The following CHRM3 variants were observed in gnomAD, a reference collection of about 807,000 sequenced individuals.
CHRM3 encodes the protein muscarinic acetylcholine receptor M3.
A neutral mutation model predicts 41.8 loss-of-function variants in CHRM3; 11 were observed. The observed-to-expected ratio is 0.26, with a 90% CI of 0.17 to 0.44. The LOEUF (loss-of-function observed/expected upper bound fraction) is 0.44. Among genes scored for constraint, CHRM3 ranks in the 20% least tolerant of loss-of-function variants. The probability of loss-of-function intolerance (pLI) is 1.00; values close to 1 mark genes in which losing one functional copy is unlikely to be tolerated. For missense variants in CHRM3, 571 were observed against 745.4 expected (o/e 0.77, Z 2.72); for synonymous variants, 297 against 301.4 (o/e 0.99, Z 0.15).
intron 5 of CHRM3, among the ~76,000 whole-genome samples, chr1:239,684,754 GAAAGAAAGAAAGAA>G (rs1457068660): frequency 1.5e-4 from 18 of 123,022 alleles, no homozygotes; most frequent in Admixed American, 6.9e-4. Context: ...GAAAGAGAAA[GAAAGAAAGAAAGAA>G]AGAGAAAGAG....
chr1:239,433,775 C>T (rs1207256439), intron 1 of CHRM3, among the ~76,000 whole-genome samples: 5 of 152,274 alleles, frequency 3.3e-5, no homozygotes, highest in African/African-American at 9.6e-5. Context: ...CAGGTTGCTG[C>T]GAATGCCGTT....
intron 6 of CHRM3, among the ~76,000 whole-genome samples, chr1:239,874,100 A>G (rs1676824824): frequency 1.3e-5 from 2 of 151,886 alleles, no homozygotes; most frequent in Admixed American, 1.3e-4. Flanking sequence ...CAGGAGGACA[A>G]GTGGCCTGCC....
At chr1:239,589,638 CTATATATATA>C (rs10592228) in intron 3 of CHRM3, among the ~76,000 whole-genome samples, 14,642 of 124,868 alleles carry the variant, frequency 0.12, 813 homozygotes, top group Admixed American at 0.16. Flanking sequence ...ATATAAAAAA[CTATATATATA>C]TATATATATA....
chr1:239,833,477 T>C (rs1046937255), intron 6 of CHRM3, among the ~76,000 whole-genome samples: 5 of 152,114 alleles, frequency 3.3e-5, no homozygotes, highest in African/African-American at 1.2e-4. Context: ...TCACATCTTA[T>C]CCTTTGGCCT....
chr1:239,410,691 C>A (rs1045000882), intron 1 of CHRM3, among the ~76,000 whole-genome samples: 2 of 152,170 alleles, frequency 1.3e-5, no homozygotes, highest in African/African-American at 4.8e-5. Flanking sequence ...TTCTACACCC[C>A]CTTCCTCCAG....
chr1:239,864,966 A>T (rs1403241126), intron 6 of CHRM3, among the ~76,000 whole-genome samples: 1 of 152,174 alleles, frequency 6.6e-6, no homozygotes, highest in African/African-American at 2.4e-5. Flanking sequence ...AACATCTATC[A>T]CACTTATAAA....
At chr1:239,759,535 C>T (rs576429873) in intron 5 of CHRM3, among the ~76,000 whole-genome samples, 59 of 152,242 alleles carry the variant, frequency 3.9e-4, no homozygotes, top group African/African-American at 1.3e-3. Flanking sequence ...AGCCTTATCA[C>T]TCCAATAAAA....
chr1:239,566,807 G>A (rs1661403138), intron 3 of CHRM3, among the ~76,000 whole-genome samples: 1 of 152,164 alleles, frequency 6.6e-6, no homozygotes, highest in African/African-American at 2.4e-5. Flanking sequence ...GACAAAGTTG[G>A]CTTTCTCCTG....
intron 1 of CHRM3, among the ~76,000 whole-genome samples, chr1:239,474,835 A>G (rs1572423490): frequency 6.6e-6 from 1 of 152,138 alleles, no homozygotes; most frequent in East Asian, 1.9e-4. Context: ...AATGATTTTT[A>G]CTGAAGAGTA....
At chr1:239,803,112 T>C (rs1572344371) in intron 5 of CHRM3, among the ~76,000 whole-genome samples, 2 of 152,170 alleles carry the variant, frequency 1.3e-5, no homozygotes, top group Admixed American at 1.3e-4. Context: ...TATAAAATAC[T>C]CTCAAACCCT....
chr1:239,664,491 G>A (rs1404350226), intron 4 of CHRM3, among the ~76,000 whole-genome samples: 1 of 152,030 alleles, frequency 6.6e-6, no homozygotes, highest in Admixed American at 6.5e-5. Context: ...TTGCCCTTTT[G>A]GAAAAATGAC....
chr1:239,525,140 A>T (rs952302921), intron 2 of CHRM3, among the ~76,000 whole-genome samples: 2 of 152,044 alleles, frequency 1.3e-5, no homozygotes, highest in Admixed American at 1.3e-4. Flanking sequence ...AGGAGGGAGG[A>T]TTGCTTGAGC....
intron 2 of CHRM3, among the ~76,000 whole-genome samples, chr1:239,541,524 T>C (rs1201039629): frequency 6.6e-6 from 1 of 152,182 alleles, no homozygotes; most frequent in African/African-American, 2.4e-5. Context: ...TATTTATTTA[T>C]TTTTTGAGAT....
intron 2 of CHRM3, among the ~76,000 whole-genome samples, chr1:239,510,742 G>C (rs1454771882): frequency 6.6e-6 from 1 of 151,902 alleles, no homozygotes; most frequent in Non-Finnish European, 1.5e-5. Context: ...CTTCATGTTG[G>C]TCAGGCTAGT....
chr1:239,673,839 G>A (rs1028308272), intron 4 of CHRM3, among the ~76,000 whole-genome samples: 1 of 151,978 alleles, frequency 6.6e-6, no homozygotes, highest in Non-Finnish European at 1.5e-5. Context: ...ATGCTTTCCT[G>A]TTCGATACAC....
chr1:239,817,554 A>C (rs911480853), intron 5 of CHRM3, among the ~76,000 whole-genome samples: 12 of 151,968 alleles, frequency 7.9e-5, no homozygotes, highest in Admixed American at 3.3e-4. Context: ...CCCACGGGCT[A>C]CTGGAGGCAC....
In CHRM3 at chr1:239,470,008, C is replaced by T. The variant is rs138688598; in HGVS notation, c.-520-22701C>T. Among the ~76,000 whole-genome samples the T allele has an allele frequency of 2.0e-5, 3 of 152,258 alleles. No individual in the cohort carries two copies. In the East Asian group the frequency reaches 5.8e-4, roughly 29 times the overall value. ...CACGTTCACATCCTACCCACTGAGC[C>T]TTGTCTGTGCCATTCGCCCTGTAGT... On this transcript the variant is annotated intron_variant, in intron 1 of 6. Transcript: ENST00000676153.
At chr1:239,739,374 T>G (rs1270043988) in intron 5 of CHRM3, among the ~76,000 whole-genome samples, 1 of 152,136 alleles carries the variant, frequency 6.6e-6, no homozygotes, top group Non-Finnish European at 1.5e-5. Context: ...GTATTTCTTT[T>G]CCAAAACAGT....
chr1:239,768,342 C>T (rs1667387723), intron 5 of CHRM3, among the ~76,000 whole-genome samples: 2 of 152,078 alleles, frequency 1.3e-5, no homozygotes, highest in South Asian at 4.1e-4. Context: ...AGAATAAAGG[C>T]AGTAGTCAGG....
Sources: allele counts gnomAD v4.1 joint callset (sites outside exome capture counted in the v4.1 genomes callset), GRCh38; gene constraint gnomAD v4.1.1; transcripts MANE v1.5; gene names NCBI Gene and HGNC (gene_info 2026-07-23, HGNC 2026-07-21).